The following TRIM34 variants were observed in gnomAD, a reference collection of about 807,000 sequenced individuals.
The protein encoded by TRIM34 is E3 ubiquitin-protein ligase TRIM34.
In TRIM34, 41 loss-of-function variants were observed where a neutral mutation model predicts 38.1. That is an observed-to-expected ratio of 1.08 (90% CI 0.84 to 1.40). TRIM34 has a LOEUF of 1.40. TRIM34 is among the 40% of genes most tolerant of loss of function. The probability of loss-of-function intolerance (pLI) is 0.00; values close to 1 mark genes in which losing one functional copy is unlikely to be tolerated. For synonymous variants in TRIM34, 200 were observed against 202.5 expected, an observed-to-expected ratio of 0.99 and a Z score of 0.10; for missense variants, 556 against 571.4, an observed-to-expected ratio of 0.97 and a Z score of 0.27.
intron 4 of TRIM34, among the ~76,000 whole-genome samples, chr11:5,637,577 T>C (rs960980578): frequency 6.6e-6 from 1 of 152,226 alleles, no homozygotes; most frequent in Non-Finnish European, 1.5e-5. Context: ...TACTATTATT[T>C]AAAATTTTTT....
At chr11:5,638,697 G>A (rs1849851326) in intron 4 of TRIM34, among the ~76,000 whole-genome samples, 1 of 152,192 alleles carries the variant, frequency 6.6e-6, no homozygotes, top group Non-Finnish European at 1.5e-5. Flanking sequence ...TATGGCTGGA[G>A]AACAGCTTAT....
At chr11:5,631,347 G>A (rs776337148) in intron 1 of TRIM34, among the ~76,000 whole-genome samples, 3 of 152,160 alleles carry the variant, frequency 2.0e-5, no homozygotes, top group Non-Finnish European at 4.4e-5. Context: ...AAGTGGAGTA[G>A]CATGGAGACC....
At chr11:5,629,664 T>C (rs1026573615) in intron 1 of TRIM34, among the ~76,000 whole-genome samples, 2 of 152,208 alleles carry the variant, frequency 1.3e-5, no homozygotes, top group African/African-American at 4.8e-5. Flanking sequence ...AGATATAGCA[T>C]GCAGACAGGG....
At chr11:5,623,408 C>A (rs912202099), upstream of TRIM34, among the ~76,000 whole-genome samples, 4 of 152,044 alleles carry the variant, frequency 2.6e-5, no homozygotes, top group East Asian at 3.9e-4. Flanking sequence ...TGCTCTGACA[C>A]CCAGGCTGGA....
chr11:5,634,890 T>C (rs1849665336), intron 4 of TRIM34, 29 bp downstream of exon 4: 3 of 1,602,826 alleles, frequency 1.9e-6, no homozygotes, highest in Admixed American at 1.7e-5. Flanking sequence ...TCTGAGATTC[T>C]GGGAACACAG....
chr11:5,637,068 G>A (rs1849772140), intron 4 of TRIM34, among the ~76,000 whole-genome samples: 1 of 152,184 alleles, frequency 6.6e-6, no homozygotes. Context: ...AGCTACTCAG[G>A]AGGCTGAGGC....
At chr11:5,624,748 C>T (rs1849126817), upstream of TRIM34, 1 of 152,256 alleles carries the variant, frequency 6.6e-6, no homozygotes, top group Admixed American at 6.5e-5. Flanking sequence ...CCAAATATCT[C>T]TTCAGACATT....
At chr11:5,640,940 C>CTCA (rs4038984) in intron 4 of TRIM34, among the ~76,000 whole-genome samples, 141,163 of 152,046 alleles carry the variant, frequency 0.93, 65,755 homozygotes, top group East Asian at 1. Flanking sequence ...CATACAGTTG[C>CTCA]TCATTTTATA....
intron 2 of TRIM34, among the ~76,000 whole-genome samples, chr11:5,633,372 T>C (rs899391228): frequency 6.6e-6 from 1 of 152,144 alleles, no homozygotes; most frequent in Admixed American, 6.6e-5. Context: ...CAGATGATCC[T>C]AGAGTACAGT....
intron 1 of TRIM34, among the ~76,000 whole-genome samples, chr11:5,628,288 T>C (rs1039686170): frequency 6.6e-6 from 1 of 152,222 alleles, no homozygotes; most frequent in Non-Finnish European, 1.5e-5. Flanking sequence ...TGGATACTGA[T>C]TGGAATAAAA....
chr11:5,638,303 T>G (rs1849835600), intron 4 of TRIM34, among the ~76,000 whole-genome samples: 1 of 152,166 alleles, frequency 6.6e-6, no homozygotes. Context: ...GAAATGAGAA[T>G]TAATAGGCAC....
chr11:5,637,547 G>T (rs1370405700), intron 4 of TRIM34, among the ~76,000 whole-genome samples: 1 of 152,196 alleles, frequency 6.6e-6, no homozygotes, highest in African/African-American at 2.4e-5. Flanking sequence ...GTAGCTAAAT[G>T]AGGGAAAGAA....
Position 5,634,726 on chromosome 11 carries a change from GGAA to G in TRIM34, c.625_627del (p.Glu209del), listed in dbSNP as rs779253043. On this transcript the variant is annotated inframe_deletion, in exon 4 of 8. Coordinates refer to ENST00000429814, the MANE Select transcript of TRIM34 (RefSeq NM_021616.6). ...AGGAGCAGAGAGAGCTGCAAAGATTGGAAGAAGAAGAAAAGAAGACGCTGGATA... is the reference window on the plus strand; with the variant it reads ...AGGAGCAGAGAGAGCTGCAAAGATTGGAAGAAGAAAAGAAGACGCTGGATA... The G allele has an allele frequency of 2.0e-5, 33 of 1,614,048 alleles. No homozygotes were observed. The Admixed American group carries it at 2.3e-4, about 11-fold the overall frequency.
chr11:5,634,528 CACATATATATAT>C lies in TRIM34; in HGVS notation c.520-101_520-90del, dbSNP rs1302158271. On this transcript the variant is annotated intron_variant, in intron 3 of 7. Coordinates refer to ENST00000429814, the MANE Select transcript of TRIM34 (RefSeq NM_021616.6). ...ACACACACACACACACACACACACACACATATATATATATATATATTTCCCTACTGGCTCCTA... is the reference window on the plus strand; with the variant it reads ...ACACACACACACACACACACACACACATATATATTTCCCTACTGGCTCCTA... 8.0e-4 allele frequency: 430 copies of C among 537,072 alleles called. 6 individuals carry two copies. The African/African-American group carries it at 8.9e-3, about 11-fold the overall frequency. The allele number at this position is 537,072 out of a possible 1,614,324, so 33.3% of individuals were successfully genotyped here.
upstream of TRIM34, among the ~76,000 whole-genome samples, chr11:5,620,275 T>G (rs1308226460): frequency 6.9e-6 from 1 of 144,334 alleles, no homozygotes; most frequent in Non-Finnish European, 1.5e-5. Context: ...CCTCCTGGGT[T>G]CTATGGATTC....
chr11:5,642,437 A>G lies in TRIM34; in HGVS notation c.805A>G (p.Met269Val), dbSNP rs1850053265. ...GATCTGGAGGCTGAAAAAGCCAAAA[A>G]TGGTTTCCAAGAAACTGAAGACTGT... ...SEIWRLKKPK[M>V]VSKKLKTVFH... The change falls in exon 6 of 8, where the codon ATG becomes GTG. Residue 269 changes from methionine to valine, a missense_variant. By Grantham distance (21) the Met-to-Val change is conservative (BLOSUM62 1). Transcript: ENST00000429814. 6.2e-7 allele frequency: 1 copy of G among 1,613,624 alleles called. No individual in the cohort carries two copies. Among genetic ancestry groups the G allele is most frequent in the Non-Finnish European group, 8.5e-7 (1 of 1,179,992 alleles).
At position 5,643,761 on chromosome 11, in the gene TRIM34, C is replaced by T; in HGVS notation, c.*52C>T. On this transcript the variant is annotated 3_prime_UTR_variant, in exon 8 of 8. Transcript: ENST00000429814. ...CTTTGTCTTGACTTATCTCCTGCAACTGACTCATCTGCAACATTCACACCA... is the reference window on the plus strand; with the variant it reads ...CTTTGTCTTGACTTATCTCCTGCAATTGACTCATCTGCAACATTCACACCA... 6.6e-7 allele frequency: 1 copy of T among 1,525,238 alleles called. No individual in the cohort carries two copies. The highest frequency in any genetic ancestry group is 8.8e-7 in the Non-Finnish European group (1 of 1,142,216). The allele number at this position is 1,525,238 out of a possible 1,614,324, so 94.5% of individuals were successfully genotyped here. A position where few individuals can be genotyped will look rare whatever the true frequency, so the allele number is the denominator to read the frequency against.
chr11:5,623,481 C>A (rs1849069354), upstream of TRIM34, among the ~76,000 whole-genome samples: 4 of 151,932 alleles, frequency 2.6e-5, no homozygotes, highest in Middle Eastern at 0.01. Context: ...AATTCTCCTG[C>A]CTCAGCCTCC....
chr11:5,638,056 T>A (rs1849823372), intron 4 of TRIM34, among the ~76,000 whole-genome samples: 2 of 152,216 alleles, frequency 1.3e-5, no homozygotes, highest in Non-Finnish European at 2.9e-5. Flanking sequence ...ATGAATGAGT[T>A]AATTATATGT....
Sources: allele counts gnomAD v4.1 joint callset (sites outside exome capture counted in the v4.1 genomes callset), GRCh38; gene constraint gnomAD v4.1.1; transcripts MANE v1.5; gene names NCBI Gene and HGNC (gene_info 2026-07-23, HGNC 2026-07-21).